Variants in SLIT3 observed in about 807,000 individuals in gnomAD.
The protein encoded by SLIT3 is slit homolog 3 protein.
SLIT3 carries 68 observed loss-of-function variants against 184.0 expected under a neutral mutation model. The ratio of observed to expected loss-of-function variants is 0.37; its 90% CI spans 0.30 to 0.45. SLIT3 has a LOEUF of 0.45. SLIT3 is among the 20% of genes least tolerant of loss of function. The probability of loss-of-function intolerance (pLI) is 1.00; values close to 1 mark genes in which losing one functional copy is unlikely to be tolerated. For synonymous variants in SLIT3, 831 were observed against 828.6 expected (o/e 1.00, Z -0.05); for missense variants, 1,707 against 2,026.0 (o/e 0.84, Z 3.02).
intron 1 of SLIT3, among the ~76,000 whole-genome samples, chr5:169,272,430 G>A (rs534689640): frequency 5.8e-4 from 88 of 152,330 alleles, no homozygotes; most frequent in African/African-American, 2.0e-3. Flanking sequence ...GCCCAGGTAG[G>A]TAATTGGATC....
chr5:168,912,249 T>C (rs1761275490), intron 4 of SLIT3, among the ~76,000 whole-genome samples: 1 of 152,224 alleles, frequency 6.6e-6, no homozygotes, highest in South Asian at 2.1e-4. Flanking sequence ...GTATTATACA[T>C]ACAACAAACA....
intron 4 of SLIT3, among the ~76,000 whole-genome samples, chr5:169,162,104 C>G (rs1173563859): frequency 1.3e-5 from 2 of 152,182 alleles, no homozygotes; most frequent in Admixed American, 6.5e-5. Flanking sequence ...ACAGAGGGTG[C>G]TACTGGATCC....
chr5:168,726,043 C>T (rs2125870), intron 20 of SLIT3, among the ~76,000 whole-genome samples: 4 of 152,046 alleles, frequency 2.6e-5, no homozygotes, highest in African/African-American at 9.7e-5. Flanking sequence ...GACTGATGTC[C>T]TTTTGCTTTG....
At chr5:169,232,383 C>T (rs1765036633) in intron 3 of SLIT3, among the ~76,000 whole-genome samples, 2 of 152,124 alleles carry the variant, frequency 1.3e-5, no homozygotes, top group African/African-American at 2.4e-5. Context: ...TGCCACCACA[C>T]CTGCCTAATT....
chr5:168,808,682 G>T (rs1757060293), intron 8 of SLIT3, among the ~76,000 whole-genome samples: 1 of 152,060 alleles, frequency 6.6e-6, no homozygotes, highest in Non-Finnish European at 1.5e-5. Flanking sequence ...CATGATTACT[G>T]AAGTTCTTTC....
At chr5:169,174,575 T>C (rs962056095) in intron 4 of SLIT3, among the ~76,000 whole-genome samples, 29 of 152,160 alleles carry the variant, frequency 1.9e-4, no homozygotes, top group Admixed American at 1.9e-3. Flanking sequence ...ACTAATACCC[T>C]CCCTCACAGG....
intron 34 of SLIT3, among the ~76,000 whole-genome samples, chr5:168,670,775 G>A (rs915377170): frequency 3.9e-5 from 6 of 152,198 alleles, no homozygotes; most frequent in African/African-American, 1.4e-4. Context: ...GGCCTGGCAC[G>A]TAGTAGGACC....
Position 168,669,766 on chromosome 5 carries a change from A to G in SLIT3, c.4336+17T>C, listed in dbSNP as rs1240854220. The stretch of plus-strand genomic sequence containing the variant: ...CTGACCCCCACTTCCTCCCTCCCAC[A>G]GGCACAGTAGACCCACCTTGTTGGC... On this transcript the variant is annotated intron_variant, in intron 35 of 35. Coordinates refer to ENST00000519560, the MANE Select transcript of SLIT3 (RefSeq NM_003062.4). 5.0e-6 allele frequency: 8 copies of G among 1,609,214 alleles called. No homozygotes were observed. Among genetic ancestry groups the G allele is most frequent in the South Asian group, 1.1e-5 (1 of 90,898 alleles).
chr5:168,935,572 T>C (rs1389138715), intron 4 of SLIT3, among the ~76,000 whole-genome samples: 2 of 152,228 alleles, frequency 1.3e-5, no homozygotes, highest in African/African-American at 4.8e-5. Flanking sequence ...CATTCTTTGG[T>C]CATGACGCCA....
chr5:169,174,470 A>G lies in SLIT3; in HGVS notation c.413+19009T>C, dbSNP rs570342447. On this transcript the variant is annotated intron_variant, in intron 4 of 35. Coordinates refer to ENST00000519560, the MANE Select transcript of SLIT3 (RefSeq NM_003062.4). ...ATCTGATATGTATGATCAGCTTCCA[A>G]GTTGGAAAGACTCTTGTTCTGGTTT... Among the ~76,000 whole-genome samples, 16 of 152,280 alleles carry G rather than the reference A, an allele frequency of 1.1e-4. No homozygotes were observed. The South Asian group carries it at 2.3e-3, about 22-fold the overall frequency.
chr5:168,768,379 T>G, intron 14 of SLIT3: 2 of 450,014 alleles, frequency 4.4e-6, no homozygotes, highest in Non-Finnish European at 4.5e-6. Flanking sequence ...GGGGTTCCAC[T>G]GGAACACTTC....
chr5:169,166,318 A>C (rs561592704), intron 4 of SLIT3, among the ~76,000 whole-genome samples: 1 of 152,074 alleles, frequency 6.6e-6, no homozygotes, highest in Non-Finnish European at 1.5e-5. Flanking sequence ...TATTCTCTCA[A>C]CGTGTTCATG....
intron 3 of SLIT3, among the ~76,000 whole-genome samples, chr5:169,218,889 G>A (rs1453018982): frequency 6.6e-6 from 1 of 152,144 alleles, no homozygotes; most frequent in East Asian, 1.9e-4. Context: ...TTAAGATGAG[G>A]TTGCCACCAA....
At chr5:168,692,237 C>T (rs1360610490) in intron 29 of SLIT3, among the ~76,000 whole-genome samples, 4 of 152,196 alleles carry the variant, frequency 2.6e-5, no homozygotes, top group Non-Finnish European at 5.9e-5. Flanking sequence ...GCTGCTTCCC[C>T]AGTGGAATTG....
intron 4 of SLIT3, among the ~76,000 whole-genome samples, chr5:168,977,614 C>T (rs982000547): frequency 6.6e-6 from 1 of 152,152 alleles, no homozygotes; most frequent in Admixed American, 6.5e-5. Context: ...TGTTCACTAG[C>T]GCTGATGCCT....
intron 3 of SLIT3, among the ~76,000 whole-genome samples, chr5:169,229,989 T>C (rs1764943834): frequency 6.6e-6 from 1 of 152,174 alleles, no homozygotes; most frequent in Non-Finnish European, 1.5e-5. Context: ...AATCTGCTCT[T>C]CCTTCGGTCT....
At position 169,248,089 on chromosome 5, in the gene SLIT3, C is replaced by T. The variant is rs186899865; in HGVS notation, c.269+3299G>A. ...GCTGACTGCATCCCTCTACCTAAGA[C>T]CACAGCTTCTGTCAAGCAGTCCCTA... On this transcript the variant is annotated intron_variant, in intron 2 of 35. Transcript: ENST00000519560. Among the ~76,000 whole-genome samples the T allele has an allele frequency of 1.6e-4, 25 of 152,190 alleles. No homozygotes were observed. In the East Asian group the frequency reaches 4.8e-3, roughly 30 times the overall value.
chr5:168,666,535 G>C lies in SLIT3; in HGVS notation c.4491C>G (p.Tyr1497Ter). ...CQPTRSKRRK[Y>*]VFQCTDGSSF... ...AGGAGCCGTCCGTGCACTGGAAGAC[G>C]TATTTCCGCCGCTTGCTGCGGGTGG... Residue 1497 changes from tyrosine (Y) to a stop codon, truncating the protein, a stop_gained, in exon 36 of 36, where the codon TAC becomes TAG. Coordinates refer to ENST00000519560, the MANE Select transcript of SLIT3 (RefSeq NM_003062.4). LOFTEE classifies it high-confidence loss of function. 6.2e-7 allele frequency: 1 copy of C among 1,613,296 alleles called. No homozygotes were observed. Among genetic ancestry groups the C allele is most frequent in the Non-Finnish European group, 8.5e-7 (1 of 1,179,794 alleles).
chr5:168,679,990 G>A (rs1043762267), intron 32 of SLIT3, among the ~76,000 whole-genome samples: 1 of 152,182 alleles, frequency 6.6e-6, no homozygotes. Flanking sequence ...ACACCCACGC[G>A]GTGTTTTAAA....
Sources: allele counts gnomAD v4.1 joint callset (sites outside exome capture counted in the v4.1 genomes callset), GRCh38; gene constraint gnomAD v4.1.1; transcripts MANE v1.5; gene names NCBI Gene and HGNC (gene_info 2026-07-23, HGNC 2026-07-21).